The following LSAMP variants were observed in gnomAD, a reference collection of about 807,000 sequenced individuals.
LSAMP encodes limbic system-associated membrane protein.
A neutral mutation model predicts 38.6 loss-of-function variants in LSAMP; 7 were observed. The ratio of observed to expected loss-of-function variants is 0.18; its 90% CI spans 0.10 to 0.34. The LOEUF (loss-of-function observed/expected upper bound fraction) is 0.34. LSAMP is among the 10% of genes least tolerant of loss of function. The probability of loss-of-function intolerance (pLI) is 1.00; values close to 1 mark genes in which losing one functional copy is unlikely to be tolerated. For synonymous variants in LSAMP, 154 were observed against 166.8 expected (o/e 0.92, Z 0.59); for missense variants, 313 against 420.0 (o/e 0.75, Z 2.23).
At chr3:116,359,760 A>G (rs1576160660) in intron 1 of LSAMP, among the ~76,000 whole-genome samples, 1 of 152,116 alleles carries the variant, frequency 6.6e-6, no homozygotes, top group Non-Finnish European at 1.5e-5. Context: ...ATAGAACTGC[A>G]CCATTTTCTA....
At chr3:116,223,250 T>C (rs2107619152) in intron 1 of LSAMP, among the ~76,000 whole-genome samples, 1 of 152,212 alleles carries the variant, frequency 6.6e-6, no homozygotes, top group South Asian at 2.1e-4. Context: ...TAATAGAAAT[T>C]CCAAAATCAG....
intron 1 of LSAMP, among the ~76,000 whole-genome samples, chr3:116,347,537 C>T (rs2048079608): frequency 6.6e-6 from 1 of 152,164 alleles, no homozygotes; most frequent in African/African-American, 2.4e-5. Flanking sequence ...AGTTCAGTCA[C>T]TGTCTCTCTC....
intron 1 of LSAMP, among the ~76,000 whole-genome samples, chr3:116,431,209 G>A (rs1379447300): frequency 1.3e-5 from 2 of 151,380 alleles, no homozygotes; most frequent in Non-Finnish European, 3.0e-5. Context: ...GTAATTGCTT[G>A]AGAAAAAAAA....
At chr3:115,854,155 T>C (rs1337191726) in intron 3 of LSAMP, among the ~76,000 whole-genome samples, 2 of 151,822 alleles carry the variant, frequency 1.3e-5, no homozygotes, top group African/African-American at 4.8e-5. Flanking sequence ...AAGAGTAATA[T>C]AACATTATTT....
At chr3:116,013,098 A>C (rs1010885387) in intron 3 of LSAMP, among the ~76,000 whole-genome samples, 1 of 152,212 alleles carries the variant, frequency 6.6e-6, no homozygotes, top group Non-Finnish European at 1.5e-5. Flanking sequence ...TTCCCCAAGA[A>C]CACATCTAGG....
At chr3:116,073,949 T>C (rs1223561116) in intron 2 of LSAMP, among the ~76,000 whole-genome samples, 2 of 152,084 alleles carry the variant, frequency 1.3e-5, no homozygotes, top group Non-Finnish European at 2.9e-5. Context: ...AAAAATCATA[T>C]AAAAAGGGCA....
At chr3:116,263,881 G>A (rs1191004672) in intron 1 of LSAMP, among the ~76,000 whole-genome samples, 1 of 152,024 alleles carries the variant, frequency 6.6e-6, no homozygotes, top group African/African-American at 2.4e-5. Context: ...TAAAAGTCTC[G>A]GGGAGTCATC....
chr3:115,875,661 G>T (rs767659779), intron 3 of LSAMP, among the ~76,000 whole-genome samples: 1 of 152,000 alleles, frequency 6.6e-6, no homozygotes, highest in African/African-American at 2.4e-5. Context: ...AGCAGGCAAA[G>T]CTCGCTAGAT....
At chr3:116,390,611 TC>T (rs1423071972) in intron 1 of LSAMP, among the ~76,000 whole-genome samples, 1 of 151,870 alleles carries the variant, frequency 6.6e-6, no homozygotes, top group Admixed American at 6.6e-5. Context: ...GCAACTGTAG[TC>T]CCAGCTACTC....
chr3:116,393,201 G>A (rs2048726143), intron 1 of LSAMP, among the ~76,000 whole-genome samples: 1 of 152,146 alleles, frequency 6.6e-6, no homozygotes, highest in Non-Finnish European at 1.5e-5. Flanking sequence ...GCAAAGAGAA[G>A]GAGAGAAGAG....
intron 1 of LSAMP, among the ~76,000 whole-genome samples, chr3:116,430,754 C>T (rs1468439100): frequency 6.6e-6 from 1 of 151,862 alleles, no homozygotes; most frequent in Non-Finnish European, 1.5e-5. Flanking sequence ...GTTTGCAGAG[C>T]TGGTAATTGA....
At chr3:116,006,062 C>T (rs1940150851) in intron 3 of LSAMP, among the ~76,000 whole-genome samples, 1 of 152,186 alleles carries the variant, frequency 6.6e-6, no homozygotes, top group South Asian at 2.1e-4. Context: ...TGATCAGCAT[C>T]ATGTGAGCAG....
intron 4 of LSAMP, among the ~76,000 whole-genome samples, chr3:115,844,510 T>C (rs181895389): frequency 1.3e-5 from 2 of 152,270 alleles, no homozygotes; most frequent in African/African-American, 4.8e-5. Flanking sequence ...TTGGTAATAG[T>C]GGTGCTGTGG....
intron 1 of LSAMP, among the ~76,000 whole-genome samples, chr3:116,240,692 G>C (rs1281544716): frequency 1.3e-5 from 2 of 152,144 alleles, no homozygotes; most frequent in Non-Finnish European, 2.9e-5. Context: ...GGACTTTTAA[G>C]TTATCTGTGG....
At chr3:116,266,759 G>A (rs1329783263) in intron 1 of LSAMP, among the ~76,000 whole-genome samples, 1 of 152,082 alleles carries the variant, frequency 6.6e-6, no homozygotes, top group Non-Finnish European at 1.5e-5. Flanking sequence ...GACACAGGAA[G>A]AGAGGAAAAA....
rs138395058 is a variant in LSAMP at position 116,271,139 on chromosome 3, T to C, written c.155+173738A>G. 2.0e-5 allele frequency among the ~76,000 whole-genome samples: 3 copies of C among 152,212 alleles called. No homozygotes were observed. The East Asian group carries it at 5.8e-4, about 29-fold the overall frequency. On this transcript the variant is annotated intron_variant, in intron 1 of 6. Coordinates refer to ENST00000490035, the MANE Select transcript of LSAMP (RefSeq NM_002338.5). ...GCCAAGAAGGAAATTAATTCAAGACTTAAGACAATAAAAAACAGAATTCAG... is the reference window on the plus strand; with the variant it reads ...GCCAAGAAGGAAATTAATTCAAGACCTAAGACAATAAAAAACAGAATTCAG...
In LSAMP at chr3:116,359,204, T is replaced by C. The variant is rs72950170; in HGVS notation, c.155+85673A>G. Among the ~76,000 whole-genome samples, 383 of 152,342 alleles carry C rather than the reference T, an allele frequency of 2.5e-3. 4 individuals carry two copies. The highest frequency in any genetic ancestry group is 8.9e-3 in the African/African-American group (368 of 41,570). On this transcript the variant is annotated intron_variant, in intron 1 of 6. Transcript: ENST00000490035. ...ATAAAATACATTTGTACTATGTGTA[T>C]AATATATTTTTAATTAATCAGTCCA...
In LSAMP at chr3:116,420,653, T is replaced by C. The variant is rs1000036336; in HGVS notation, c.155+24224A>G. ...AGGGAGGCCAAGGTGGGCAGATCAC[T>C]TGAGGTCAGGAATTCGAGACCAGCC... is the stretch of plus-strand genomic sequence containing the variant. On this transcript the variant is annotated intron_variant, in intron 1 of 6. Coordinates refer to ENST00000490035, the MANE Select transcript of LSAMP (RefSeq NM_002338.5). 4.0e-5 allele frequency among the ~76,000 whole-genome samples: 6 copies of C among 151,584 alleles called. No homozygotes were observed. In the East Asian group the frequency reaches 1.2e-3, roughly 30 times the overall value.
rs540599224 is a variant in LSAMP, at chr3:115,917,562, G to T, written c.515-64945C>A. 7.9e-5 allele frequency among the ~76,000 whole-genome samples: 12 copies of T among 151,650 alleles called. No homozygotes were observed. In the South Asian group the frequency reaches 1.9e-3, roughly 24 times the overall value. The stretch of plus-strand genomic sequence containing the variant: ...TCTTTTATTTTTCAGCATCCCTAAA[G>T]GTCATTATATATTTAAATATTTTCC... On this transcript the variant is annotated intron_variant, in intron 3 of 6. Coordinates refer to ENST00000490035, the MANE Select transcript of LSAMP (RefSeq NM_002338.5).
Sources: allele counts gnomAD v4.1 joint callset (sites outside exome capture counted in the v4.1 genomes callset), GRCh38; gene constraint gnomAD v4.1.1; transcripts MANE v1.5; gene names NCBI Gene and HGNC (gene_info 2026-07-23, HGNC 2026-07-21).